Variants in KCNT2 observed in about 807,000 individuals in gnomAD.
KCNT2 encodes the protein potassium sodium-activated channel subfamily T member 2.
A neutral mutation model predicts 153.8 loss-of-function variants in KCNT2; 67 were observed. That is an observed-to-expected ratio of 0.44 (90% CI 0.36 to 0.53). KCNT2 has a LOEUF of 0.53. KCNT2 is among the 20% of genes least tolerant of loss of function. The pLI is 0.00. For synonymous variants in KCNT2, 500 were observed against 458.8 expected, an observed-to-expected ratio of 1.09 and a Z score of -1.15; for missense variants, 975 against 1,354.8, an observed-to-expected ratio of 0.72 and a Z score of 4.40.
chr1:196,338,791 G>A (rs1207006559), intron 16 of KCNT2, among the ~76,000 whole-genome samples: 2 of 151,786 alleles, frequency 1.3e-5, no homozygotes, highest in Non-Finnish European at 2.9e-5. Context: ...GATGATGTTG[G>A]TGGTGGACAT....
intron 1 of KCNT2, among the ~76,000 whole-genome samples, chr1:196,562,245 G>A (rs962037814): frequency 4.0e-5 from 6 of 151,894 alleles, no homozygotes; most frequent in African/African-American, 1.5e-4. Flanking sequence ...TTCAGGACCT[G>A]CTATCTGTCA....
chr1:196,228,065 C>T lies in KCNT2; in HGVS notation c.*159G>A, dbSNP rs1653626994. 5.5e-6 allele frequency: 3 copies of T among 546,392 alleles called. No homozygotes were observed. The highest frequency in any genetic ancestry group is 3.5e-5 in the Admixed American group (1 of 28,570). The allele number at this position is 546,392 out of a possible 1,614,324, so 33.8% of individuals were successfully genotyped here. The stretch of plus-strand genomic sequence containing the variant: ...ATAGGGAGAGTACCAGTAAGTAGTA[C>T]ATTAAGTTTCAAAATGATCTATACT... On this transcript the variant is annotated 3_prime_UTR_variant, in exon 28 of 28. Transcript: ENST00000294725.
At chr1:196,277,461 G>A (rs1658674688) in intron 25 of KCNT2, among the ~76,000 whole-genome samples, 1 of 152,150 alleles carries the variant, frequency 6.6e-6, no homozygotes, top group Non-Finnish European at 1.5e-5. Context: ...AGAATTCAGT[G>A]TGATACTCCT....
intron 7 of KCNT2, 50 bp from the exon 8 acceptor site, chr1:196,465,437 G>T (rs1677524005): frequency 2.0e-6 from 2 of 987,770 alleles, no homozygotes; most frequent in Non-Finnish European, 1.6e-6. Flanking sequence ...TACTAAATAT[G>T]CATGAGTTTC....
chr1:196,319,443 G>T, intron 20 of KCNT2, 41 bp downstream of exon 20: 1 of 1,391,744 alleles, frequency 7.2e-7, no homozygotes, highest in Non-Finnish European at 1.0e-6. Flanking sequence ...CAAACCACAG[G>T]ACACTACACT....
At chr1:196,242,596 T>C (rs1655057004) in intron 26 of KCNT2, among the ~76,000 whole-genome samples, 1 of 152,202 alleles carries the variant, frequency 6.6e-6, no homozygotes, top group Non-Finnish European at 1.5e-5. Context: ...TTGATAATTG[T>C]AATTTATTAC....
At chr1:196,399,524 G>A (rs1443859981) in intron 12 of KCNT2, among the ~76,000 whole-genome samples, 1 of 151,702 alleles carries the variant, frequency 6.6e-6, no homozygotes, top group Admixed American at 6.6e-5. Context: ...ATTAGAAAGT[G>A]GAGGTATAGA....
intron 1 of KCNT2, among the ~76,000 whole-genome samples, chr1:196,498,770 A>G (rs117933146): frequency 6.6e-6 from 1 of 152,310 alleles, no homozygotes; most frequent in East Asian, 1.9e-4. Context: ...CATACTGCCA[A>G]GGTTATCTCA....
At chr1:196,343,439 T>C (rs932284567) in intron 14 of KCNT2, among the ~76,000 whole-genome samples, 3 of 152,136 alleles carry the variant, frequency 2.0e-5, no homozygotes, top group African/African-American at 7.2e-5. Context: ...AGAAGCAATA[T>C]GATAAATATA....
intron 14 of KCNT2, among the ~76,000 whole-genome samples, chr1:196,349,680 A>T (rs1008702921): frequency 6.0e-5 from 9 of 151,106 alleles, no homozygotes; most frequent in Admixed American, 3.3e-4. Flanking sequence ...TTTTTATTTT[A>T]TTTTTTTATT....
chr1:196,333,225 A>G (rs984980755), intron 17 of KCNT2, among the ~76,000 whole-genome samples: 5 of 152,000 alleles, frequency 3.3e-5, no homozygotes, highest in Non-Finnish European at 7.4e-5. Context: ...GTTTTCCTGA[A>G]GAATGACAAT....
chr1:196,575,636 A>G (rs1402403227), intron 1 of KCNT2, among the ~76,000 whole-genome samples: 1 of 150,226 alleles, frequency 6.7e-6, no homozygotes, highest in Non-Finnish European at 1.5e-5. Context: ...TAGATTTGAT[A>G]TATTTATATA....
intron 8 of KCNT2, among the ~76,000 whole-genome samples, chr1:196,437,358 TTTTA>T (rs1240701902): frequency 1.4e-5 from 2 of 139,778 alleles, no homozygotes; most frequent in Non-Finnish European, 3.1e-5. Context: ...ATTAATATAT[TTTTA>T]TTTATATATA....
At chr1:196,294,892 G>C (rs552657898) in intron 22 of KCNT2, among the ~76,000 whole-genome samples, 1 of 151,706 alleles carries the variant, frequency 6.6e-6, no homozygotes, top group African/African-American at 2.4e-5. Context: ...ATGGTTACCA[G>C]AGACTGGTGG....
chr1:196,478,820 G>C (rs1678759901), intron 5 of KCNT2, among the ~76,000 whole-genome samples: 2 of 151,828 alleles, frequency 1.3e-5, no homozygotes, highest in South Asian at 4.1e-4. Flanking sequence ...CAAAAAATAA[G>C]ATAATTTATT....
At chr1:196,472,659 C>A (rs1220656975) in intron 5 of KCNT2, among the ~76,000 whole-genome samples, 1 of 152,168 alleles carries the variant, frequency 6.6e-6, no homozygotes, top group Non-Finnish European at 1.5e-5. Flanking sequence ...TGTTCCCTGA[C>A]TTATCTCCCA....
intron 1 of KCNT2, among the ~76,000 whole-genome samples, chr1:196,607,557 T>C (rs951442276): frequency 6.6e-6 from 1 of 152,196 alleles, no homozygotes; most frequent in Non-Finnish European, 1.5e-5. Context: ...TATGAAAAGG[T>C]TGTATCATGT....
chr1:196,504,300 G>T (rs1394339344), intron 1 of KCNT2, among the ~76,000 whole-genome samples: 4 of 137,158 alleles, frequency 2.9e-5, no homozygotes, highest in Non-Finnish European at 6.0e-5. Flanking sequence ...TGTTCTCATT[G>T]TTCAATTCCC....
At chr1:196,379,136 G>T (rs1305598298) in intron 13 of KCNT2, among the ~76,000 whole-genome samples, 1 of 151,996 alleles carries the variant, frequency 6.6e-6, no homozygotes. Flanking sequence ...TTTTCTTCTT[G>T]TTGGTGAGAC....
Sources: gnomAD v4.1 joint callset for allele counts (sites outside exome capture counted in the v4.1 genomes callset) on GRCh38, gnomAD v4.1.1 for gene constraint, MANE v1.5 for transcripts, NCBI Gene and HGNC (gene_info 2026-07-23, HGNC 2026-07-21) for gene names.